Variants in ROR2 observed in about 807,000 individuals in gnomAD.
ROR2 encodes the protein tyrosine-protein kinase transmembrane receptor ROR2.
ROR2 carries 33 observed loss-of-function variants against 74.9 expected under a neutral mutation model. The observed-to-expected ratio is 0.44, with a 90% CI of 0.33 to 0.59. The LOEUF is 0.59. Among genes scored for constraint, ROR2 ranks in the 20% least tolerant of loss-of-function variants. The pLI is 0.02. For missense variants in ROR2, 1,216 were observed against 1,313.8 expected, an observed-to-expected ratio of 0.93 and a Z score of 1.15; for synonymous variants, 586 against 558.7, an observed-to-expected ratio of 1.05 and a Z score of -0.69.
chr9:91,828,442 G>A (rs1247406793), intron 1 of ROR2, among the ~76,000 whole-genome samples: 4 of 152,116 alleles, frequency 2.6e-5, no homozygotes, highest in Admixed American at 6.5e-5. Context: ...GGCAGGGTGC[G>A]GTGGCTCACA....
intron 1 of ROR2, among the ~76,000 whole-genome samples, chr9:91,881,694 C>T (rs1770691656): frequency 6.6e-6 from 1 of 152,190 alleles, no homozygotes; most frequent in Non-Finnish European, 1.5e-5. Context: ...TTAGGGAGGA[C>T]GAGCACTCCT....
chr9:91,869,035 A>G (rs1829718344), intron 1 of ROR2, among the ~76,000 whole-genome samples: 1 of 152,200 alleles, frequency 6.6e-6, no homozygotes, highest in Non-Finnish European at 1.5e-5. Flanking sequence ...ATATGCTCTC[A>G]CAAAAACCTA....
intron 1 of ROR2, among the ~76,000 whole-genome samples, chr9:91,780,237 C>T (rs184307583): frequency 6.6e-6 from 1 of 152,164 alleles, no homozygotes; most frequent in Admixed American, 6.5e-5. Flanking sequence ...ATTAGCCGGG[C>T]ATGGTGGCAG....
At chr9:91,882,629 T>G (rs2119369160) in intron 1 of ROR2, among the ~76,000 whole-genome samples, 1 of 152,322 alleles carries the variant, frequency 6.6e-6, no homozygotes, top group African/African-American at 2.4e-5. Context: ...AAATTGTACC[T>G]TAAAATCCTA....
intron 4 of ROR2, among the ~76,000 whole-genome samples, chr9:91,747,714 G>C (rs1467064578): frequency 7.0e-6 from 1 of 143,304 alleles, no homozygotes; most frequent in Admixed American, 7.0e-5. Context: ...CTTTGGTTAA[G>C]GTCCAGAGAT....
At chr9:91,766,436 T>C (rs187869664) in intron 2 of ROR2, among the ~76,000 whole-genome samples, 14 of 152,336 alleles carry the variant, frequency 9.2e-5, no homozygotes, top group African/African-American at 3.1e-4. Flanking sequence ...TATAAGCATT[T>C]GCATCTTTTA....
At chr9:91,809,952 T>C (rs998270438) in intron 1 of ROR2, among the ~76,000 whole-genome samples, 33 of 152,362 alleles carry the variant, frequency 2.2e-4, no homozygotes, top group African/African-American at 7.9e-4. Flanking sequence ...ACGTCATTTG[T>C]GGCAACTTGG....
chr9:91,875,460 A>G (rs116022979), intron 1 of ROR2, among the ~76,000 whole-genome samples: 1,603 of 152,352 alleles, frequency 0.011, 31 homozygotes, highest in African/African-American at 0.037. Context: ...GGTCTATTGC[A>G]GTACTTCTCA....
intron 1 of ROR2, among the ~76,000 whole-genome samples, chr9:91,928,105 CA>C (rs1831458014): frequency 6.6e-6 from 1 of 152,092 alleles, no homozygotes; most frequent in Non-Finnish European, 1.5e-5. Context: ...ACTCACCTGC[CA>C]CCACCTTCTG....
intron 1 of ROR2, among the ~76,000 whole-genome samples, chr9:91,904,051 T>TGG (rs3083902): frequency 7.8e-4 from 73 of 93,196 alleles, no homozygotes; most frequent in South Asian, 2.9e-3. Context: ...TGTTTTTTTT[T>TGG]GGGGGGGGGG....
In ROR2 at chr9:91,723,473, C is replaced by T. The variant is rs1410282052; in HGVS notation, c.*189G>A. 3.3e-6 allele frequency: 3 copies of T among 907,740 alleles called. No homozygotes were observed. Among genetic ancestry groups the T allele is most frequent in the Non-Finnish European group, 3.2e-6 (2 of 617,792 alleles). The allele number at this position is 907,740 out of a possible 1,614,324, so 56.2% of individuals were successfully genotyped here. A position where few individuals can be genotyped will look rare whatever the true frequency, so the allele number is the denominator to read the frequency against. ...AGACCCCCTGCCTGGCTTGGGTGCT[C>T]CTAGGCAGGGCAGCTCTCTGTGTCA... is the stretch of plus-strand genomic sequence containing the variant. On this transcript the variant is annotated 3_prime_UTR_variant, in exon 9 of 9. Coordinates refer to ENST00000375708, the MANE Select transcript of ROR2 (RefSeq NM_004560.4).
intron 4 of ROR2, among the ~76,000 whole-genome samples, chr9:91,754,807 A>G (rs1825695455): frequency 6.6e-6 from 1 of 152,204 alleles, no homozygotes; most frequent in Non-Finnish European, 1.5e-5. Context: ...CTGAAGGACT[A>G]TTAAGGAAAA....
intron 1 of ROR2, among the ~76,000 whole-genome samples, chr9:91,811,507 T>C (rs1342385930): frequency 2.0e-5 from 3 of 152,316 alleles, no homozygotes; most frequent in African/African-American, 4.8e-5. Flanking sequence ...CCTAGAGATA[T>C]GGCCCCTCTC....
intron 1 of ROR2, among the ~76,000 whole-genome samples, chr9:91,924,324 G>C (rs995184453): frequency 6.6e-6 from 1 of 152,232 alleles, no homozygotes; most frequent in Non-Finnish European, 1.5e-5. Context: ...GCAAGGGGAG[G>C]ACTGGAGGAA....
intron 1 of ROR2, among the ~76,000 whole-genome samples, chr9:91,845,508 C>T (rs1305347445): frequency 6.6e-6 from 1 of 152,132 alleles, no homozygotes; most frequent in Non-Finnish European, 1.5e-5. Context: ...AGCCAACCCC[C>T]ACCCTCATGC....
intron 7 of ROR2, among the ~76,000 whole-genome samples, chr9:91,728,897 A>G (rs1362148761): frequency 6.6e-6 from 1 of 152,182 alleles, no homozygotes; most frequent in African/African-American, 2.4e-5. Context: ...CAACTGCCCC[A>G]TCCAGCCCTA....
intron 1 of ROR2, among the ~76,000 whole-genome samples, chr9:91,939,517 T>C (rs531061737): frequency 7.9e-5 from 12 of 152,312 alleles, no homozygotes; most frequent in Middle Eastern, 3.4e-3. Flanking sequence ...GACTGTACCT[T>C]TTGTCCCTCG....
intron 1 of ROR2, among the ~76,000 whole-genome samples, chr9:91,838,471 T>TTC (rs1195600437): frequency 1.3e-5 from 2 of 152,196 alleles, no homozygotes; most frequent in Non-Finnish European, 2.9e-5. Flanking sequence ...CCGCTATCTT[T>TTC]TCTCTCCTTG....
rs1160143115 is a variant in ROR2 at position 91,915,157 on chromosome 9, T to C, written c.97+34710A>G. Among the ~76,000 whole-genome samples the C allele has an allele frequency of 2.0e-5, 3 of 152,122 alleles. No homozygotes were observed. In the East Asian group the frequency reaches 5.8e-4, roughly 29 times the overall value. On this transcript the variant is annotated intron_variant, in intron 1 of 8. Transcript: ENST00000375708. ...CAAGCTCAGCAGCTGGTCGGAGTTG[T>C]CATCCCCAACATGAGGACTCTTAGG...
Sources: allele counts gnomAD v4.1 joint callset (sites outside exome capture counted in the v4.1 genomes callset), GRCh38; gene constraint gnomAD v4.1.1; transcripts MANE v1.5; gene names NCBI Gene and HGNC (gene_info 2026-07-23, HGNC 2026-07-21).